LGSN: variants seen among roughly 807,000 people sequenced by gnomAD.
LGSN encodes lengsin.
Under a neutral mutation model 19.5 loss-of-function variants are expected in LGSN, and 21 were observed. That is an observed-to-expected ratio of 1.07 (90% confidence interval 0.76 to 1.55). The LOEUF (loss-of-function observed/expected upper bound fraction) is 1.55. LGSN is among the 40% of genes most tolerant of loss of function. The pLI, the probability that LGSN is intolerant of heterozygous loss-of-function variation, is 0.00. For synonymous variants in LGSN, 257 were observed against 215.6 expected (o/e 1.19, Z -1.68); for missense variants, 673 against 608.5 (o/e 1.11, Z -1.12).
At chr6:63,299,872 T>C (rs540574449) in intron 1 of LGSN, among the ~76,000 whole-genome samples, 1 of 152,276 alleles carries the variant, frequency 6.6e-6, no homozygotes, top group African/African-American at 2.4e-5. Flanking sequence ...GTTTATGCTG[T>C]TTTTGCTATA....
At chr6:63,367,045 C>T in the LGSN span, among the ~76,000 whole-genome samples, 1 of 152,102 alleles carries the variant, frequency 6.6e-6, no homozygotes, top group Admixed American at 6.6e-5. Context: ...GACTTCATGT[C>T]TAAAACACCA....
At chr6:63,518,149 G>C in the LGSN span, among the ~76,000 whole-genome samples, 18 of 130,600 alleles carry the variant, frequency 1.4e-4, no homozygotes, top group Middle Eastern at 0.014. Context: ...GTGAGACTCC[G>C]TCTCCAAAAA....
the LGSN span, among the ~76,000 whole-genome samples, chr6:63,387,498 T>A: frequency 2.0e-5 from 3 of 152,172 alleles, no homozygotes; most frequent in African/African-American, 4.8e-5. Context: ...TATCAGATAC[T>A]TGAGCCACTG....
At chr6:63,572,991 G>T in the LGSN span, among the ~76,000 whole-genome samples, 1 of 152,090 alleles carries the variant, frequency 6.6e-6, no homozygotes, top group African/African-American at 2.4e-5. Context: ...AGCCCGGAGC[G>T]ACGGGGGCGG....
the LGSN span, among the ~76,000 whole-genome samples, chr6:63,332,429 C>T: frequency 2.0e-5 from 3 of 152,080 alleles, no homozygotes; most frequent in East Asian, 1.9e-4. Context: ...TTGAGAGTTC[C>T]GCTCATGGCC....
the LGSN span, among the ~76,000 whole-genome samples, chr6:63,454,296 G>A: frequency 6.6e-6 from 1 of 151,912 alleles, no homozygotes; most frequent in Non-Finnish European, 1.5e-5. Context: ...TAATTTCCTT[G>A]GATAGGTACT....
the LGSN span, among the ~76,000 whole-genome samples, chr6:63,415,536 A>G: frequency 6.6e-6 from 1 of 152,166 alleles, no homozygotes; most frequent in South Asian, 2.1e-4. Flanking sequence ...ATCAAATCTT[A>G]TAAGAACTCA....
chr6:63,565,393 G>C, the LGSN span, among the ~76,000 whole-genome samples: 8 of 152,072 alleles, frequency 5.3e-5, no homozygotes, highest in Admixed American at 3.9e-4. Flanking sequence ...AAAAGGGACA[G>C]AGAATGGGCA....
the LGSN span, among the ~76,000 whole-genome samples, chr6:63,350,578 G>A: frequency 6.6e-6 from 1 of 152,188 alleles, no homozygotes; most frequent in Non-Finnish European, 1.5e-5. Flanking sequence ...CAGGCCAGGG[G>A]TGGTGGCTCA....
the LGSN span, among the ~76,000 whole-genome samples, chr6:63,368,275 G>A: frequency 6.6e-6 from 1 of 152,086 alleles, no homozygotes; most frequent in Non-Finnish European, 1.5e-5. Flanking sequence ...AGGCTATCTG[G>A]TCCAAGTACT....
the LGSN span, among the ~76,000 whole-genome samples, chr6:63,366,915 C>G: frequency 1.3e-5 from 2 of 151,040 alleles, no homozygotes; most frequent in South Asian, 4.2e-4. Flanking sequence ...GGATCCCTTC[C>G]TTACACCTTA....
the LGSN span, among the ~76,000 whole-genome samples, chr6:63,470,716 G>A: frequency 6.6e-6 from 1 of 151,868 alleles, no homozygotes; most frequent in African/African-American, 2.4e-5. Flanking sequence ...CGCCAGAGAT[G>A]GACATATAAT....
At chr6:63,416,003 T>A in the LGSN span, among the ~76,000 whole-genome samples, 1 of 152,102 alleles carries the variant, frequency 6.6e-6, no homozygotes. Context: ...AAGCAAAAGG[T>A]CCTTATTCCC....
At chr6:63,424,571 T>G in the LGSN span, among the ~76,000 whole-genome samples, 4 of 150,964 alleles carry the variant, frequency 2.6e-5, no homozygotes, top group African/African-American at 9.8e-5. Context: ...AACCAGTACT[T>G]GCAGAATACA....
the LGSN span, among the ~76,000 whole-genome samples, chr6:63,457,928 CTAAT>C: frequency 6.6e-6 from 1 of 152,088 alleles, no homozygotes; most frequent in Non-Finnish European, 1.5e-5. Flanking sequence ...TCAGATTTAA[CTAAT>C]ACTTTCACAT....
At chr6:63,527,976 G>A in the LGSN span, 1 of 152,308 alleles carries the variant, frequency 6.6e-6, no homozygotes, top group East Asian at 1.9e-4. Flanking sequence ...GTTTATGAAA[G>A]AAACCCACTG....
rs574022940 is a variant in LGSN, at chr6:63,280,399, C to G, written c.1152G>C (p.Trp384Cys). Residue 384 changes from tryptophan (W) to cysteine (C), a missense_variant, in exon 4 of 4, where the codon TGG becomes TGC. Physicochemically the swap from Trp to Cys is radical, Grantham distance 215 (BLOSUM62 -2). Coordinates refer to ENST00000370657, the MANE Select transcript of LGSN (RefSeq NM_016571.3). ...ATATACAGCTGTTGTCATTGTATCC[C>G]CATGTTGTAGGCACACTCTTCTTCA... ...KDLKKSVPTT[W>C]GYNDNSCIFN... 3.7e-6 allele frequency: 6 copies of G among 1,614,080 alleles called. No homozygotes were observed. Among genetic ancestry groups the G allele is most frequent in the Middle Eastern group, 1.6e-4 (1 of 6,062 alleles).
At chr6:63,538,344 A>T in the LGSN span, among the ~76,000 whole-genome samples, 1 of 152,230 alleles carries the variant, frequency 6.6e-6, no homozygotes, top group Admixed American at 6.5e-5. Flanking sequence ...TGTTACAGGG[A>T]TTTCCATTCT....
the LGSN span, among the ~76,000 whole-genome samples, chr6:63,342,394 AATAG>A: frequency 6.6e-6 from 1 of 152,246 alleles, no homozygotes; most frequent in Non-Finnish European, 1.5e-5. Flanking sequence ...ATTGGCATAT[AATAG>A]ATTATTTAAG....
Sources: gnomAD v4.1 joint callset for allele counts (sites outside exome capture counted in the v4.1 genomes callset) on GRCh38, gnomAD v4.1.1 for gene constraint, MANE v1.5 for transcripts, NCBI Gene and HGNC (gene_info 2026-07-23, HGNC 2026-07-21) for gene names.